Variants in TLE4 observed in about 807,000 individuals in gnomAD.
The protein encoded by TLE4 is TLE family member 4, transcriptional corepressor, also known as transducin-like enhancer protein 4.
In TLE4, 8 loss-of-function variants were observed where a neutral mutation model predicts 92.8. The observed-to-expected ratio is 0.09, with a 90% confidence interval of 0.05 to 0.16. The LOEUF (loss-of-function observed/expected upper bound fraction) is 0.16. TLE4 is among the 10% of genes least tolerant of loss of function. The pLI is 1.00. For synonymous variants in TLE4, 371 were observed against 374.1 expected, an observed-to-expected ratio of 0.99 and a Z score of 0.10; for missense variants, 675 against 997.6, an observed-to-expected ratio of 0.68 and a Z score of 4.36.
At chr9:79,655,600 G>A (rs2059669856) in intron 8 of TLE4, among the ~76,000 whole-genome samples, 1 of 152,156 alleles carries the variant, frequency 6.6e-6, no homozygotes, top group Non-Finnish European at 1.5e-5. Context: ...ATTTAATTAT[G>A]CATTTGCAGT....
At chr9:79,651,726 A>G (rs567653398) in intron 6 of TLE4, among the ~76,000 whole-genome samples, 1 of 152,210 alleles carries the variant, frequency 6.6e-6, no homozygotes, top group Non-Finnish European at 1.5e-5. Context: ...GAGGACACTT[A>G]AAGGGCTTAA....
At chr9:79,637,412 A>G (rs941171684) in intron 6 of TLE4, among the ~76,000 whole-genome samples, 25 of 152,286 alleles carry the variant, frequency 1.6e-4, no homozygotes, top group African/African-American at 5.5e-4. Flanking sequence ...TCCAAACTCC[A>G]GCTGACTTCA....
chr9:79,702,020 C>T (rs2070060834), intron 8 of TLE4, among the ~76,000 whole-genome samples: 1 of 152,140 alleles, frequency 6.6e-6, no homozygotes, highest in Admixed American at 6.5e-5. Context: ...TGAAAGGTGA[C>T]ATTAGAGCTG....
At chr9:79,582,321 A>G (rs2039887078) in intron 4 of TLE4, among the ~76,000 whole-genome samples, 1 of 152,110 alleles carries the variant, frequency 6.6e-6, no homozygotes, top group Non-Finnish European at 1.5e-5. Flanking sequence ...TCCCTGCTGG[A>G]TATTATTTAT....
intron 4 of TLE4, among the ~76,000 whole-genome samples, chr9:79,608,323 T>C (rs192455004): frequency 1.3e-5 from 2 of 152,194 alleles, no homozygotes; most frequent in East Asian, 3.9e-4. Context: ...TTTCAGAAGT[T>C]GTACAGTTTC....
At chr9:79,679,440 A>G (rs1469545752) in intron 8 of TLE4, among the ~76,000 whole-genome samples, 1 of 152,170 alleles carries the variant, frequency 6.6e-6, no homozygotes, top group African/African-American at 2.4e-5. Flanking sequence ...GTCTGTTCAT[A>G]TCCTTCGCCC....
At chr9:79,687,775 G>A (rs889320703) in intron 8 of TLE4, among the ~76,000 whole-genome samples, 2 of 152,176 alleles carry the variant, frequency 1.3e-5, no homozygotes, top group African/African-American at 4.8e-5. Flanking sequence ...TCAGAGGCCT[G>A]TCTTCAACTA....
chr9:79,601,559 A>G, intron 4 of TLE4: 3 of 443,336 alleles, frequency 6.8e-6, no homozygotes, highest in South Asian at 3.2e-5. Context: ...TATCTGTTAC[A>G]TGATTTGTGG....
chr9:79,573,878 T>A, intron 2 of TLE4, 92 bp downstream of exon 2: 1 of 888,144 alleles, frequency 1.1e-6, no homozygotes, highest in East Asian at 3.1e-5. Context: ...TCCTTTTTTG[T>A]GGGGGCGTCA....
intron 4 of TLE4, among the ~76,000 whole-genome samples, chr9:79,583,417 G>C (rs1234360220): frequency 6.6e-5 from 10 of 152,142 alleles, no homozygotes; most frequent in Admixed American, 6.5e-4. Flanking sequence ...TTCAAGAATT[G>C]TATGGTGGAG....
intron 4 of TLE4, chr9:79,601,559 A>T: frequency 4.5e-6 from 2 of 443,336 alleles, no homozygotes; most frequent in South Asian, 3.2e-5. Context: ...TATCTGTTAC[A>T]TGATTTGTGG....
intron 5 of TLE4, among the ~76,000 whole-genome samples, chr9:79,624,717 CT>C (rs1386790947): frequency 1.3e-5 from 2 of 152,224 alleles, no homozygotes; most frequent in African/African-American, 4.8e-5. Flanking sequence ...CCTAAGGCAT[CT>C]TTGCCCATTT....
rs1319870565 is a variant in TLE4, at chr9:79,661,616, TAAATG to T, written c.609+7544_609+7548del. 2.6e-5 allele frequency among the ~76,000 whole-genome samples: 4 copies of T among 152,224 alleles called. No individual in the cohort carries two copies. In the East Asian group the frequency reaches 7.7e-4, roughly 29 times the overall value. ...TGATGCTTTTAAATAAGGTTGCTGT[TAAATG>T]AAGATAATACAGTTATTTCAAAACT... On this transcript the variant is annotated intron_variant, in intron 8 of 19. Coordinates refer to ENST00000376552, the MANE Select transcript of TLE4 (RefSeq NM_007005.6).
chr9:79,684,163 A>G (rs939214211), intron 8 of TLE4, among the ~76,000 whole-genome samples: 1 of 152,226 alleles, frequency 6.6e-6, no homozygotes, highest in Non-Finnish European at 1.5e-5. Flanking sequence ...CCTCTAAACC[A>G]TACTGGTATG....
intron 13 of TLE4, among the ~76,000 whole-genome samples, chr9:79,709,401 A>G (rs1047402906): frequency 6.6e-6 from 1 of 152,204 alleles, no homozygotes; most frequent in East Asian, 1.9e-4. Context: ...AGCTTCAATA[A>G]TCATTAGTAT....
chr9:79,611,701 G>A (rs997619993), intron 4 of TLE4, among the ~76,000 whole-genome samples: 1 of 151,440 alleles, frequency 6.6e-6, no homozygotes, highest in African/African-American at 2.4e-5. Context: ...GTATGTACGT[G>A]TATTAAAAAA....
chr9:79,637,572 G>C (rs1446031495), intron 6 of TLE4, among the ~76,000 whole-genome samples: 1 of 152,166 alleles, frequency 6.6e-6, no homozygotes, highest in Non-Finnish European at 1.5e-5. Context: ...AAGGAAAATG[G>C]AAACTGGGTA....
intron 3 of TLE4, 90 bp from the exon 4 acceptor site, chr9:79,576,039 ATGTT>A: frequency 1.3e-6 from 1 of 797,134 alleles, no homozygotes; most frequent in East Asian, 2.9e-5. Flanking sequence ...TGAGGCTTTT[ATGTT>A]TGTTTCAGAT....
intron 6 of TLE4, among the ~76,000 whole-genome samples, chr9:79,651,767 G>A (rs1295814463): frequency 1.3e-5 from 2 of 152,074 alleles, no homozygotes; most frequent in Non-Finnish European, 2.9e-5. Context: ...TCCTTTTCTG[G>A]GTTGTTAATT....
Sources: gnomAD v4.1 joint callset for allele counts (sites outside exome capture counted in the v4.1 genomes callset) on GRCh38, gnomAD v4.1.1 for gene constraint, MANE v1.5 for transcripts, NCBI Gene and HGNC (gene_info 2026-07-23, HGNC 2026-07-21) for gene names.